Variants in FOCAD observed in about 807,000 individuals in gnomAD.
FOCAD encodes the protein KIAA1797.
Under a neutral mutation model 225.6 loss-of-function variants are expected in FOCAD, and 198 were observed. The ratio of observed to expected loss-of-function variants is 0.88; its 90% CI spans 0.78 to 0.99. The LOEUF (loss-of-function observed/expected upper bound fraction) is 0.99. Among genes scored for constraint, FOCAD ranks in the 50% least tolerant of loss-of-function variants. FOCAD has a pLI of 0.00. For synonymous variants in FOCAD, 897 were observed against 755.0 expected, an observed-to-expected ratio of 1.19 and a Z score of -3.08; for missense variants, 2,713 against 2,123.6, an observed-to-expected ratio of 1.28 and a Z score of -5.46.
At chr9:20,867,157 T>A in intron 18 of FOCAD, 145 bp downstream of exon 18, 1 of 529,204 alleles carries the variant, frequency 1.9e-6, no homozygotes, top group Non-Finnish European at 3.3e-6. Flanking sequence ...TCATACCCAT[T>A]ATTTGTTTAT....
intron 22 of FOCAD, among the ~76,000 whole-genome samples, chr9:20,907,449 T>A (rs528885464): frequency 3.2e-4 from 49 of 152,138 alleles, no homozygotes; most frequent in Non-Finnish European, 5.7e-4. Context: ...ATGTGTCCCA[T>A]CCAGAACTCC....
At chr9:20,868,329 A>T (rs7467003) in intron 18 of FOCAD, among the ~76,000 whole-genome samples, 1 of 151,986 alleles carries the variant, frequency 6.6e-6, no homozygotes, top group African/African-American at 2.4e-5. Flanking sequence ...TTTACCTTTC[A>T]TTCCTAAAAT....
chr9:20,757,385 G>GT (rs961143902), intron 5 of FOCAD, among the ~76,000 whole-genome samples: 175 of 149,928 alleles, frequency 1.2e-3, no homozygotes, highest in Non-Finnish European at 2.1e-3. Flanking sequence ...TGTACTTTTT[G>GT]TTTTTTTTTG....
intron 16 of FOCAD, chr9:20,863,035 A>C (rs1020174984): frequency 1.1e-5 from 2 of 178,680 alleles, no homozygotes; most frequent in African/African-American, 4.7e-5. Context: ...TTAAGTTCTA[A>C]AAAATAAGCC....
Position 20,988,390 on chromosome 9 carries a change from T to C in FOCAD, c.4965T>C (p.Ala1655=), listed in dbSNP as rs1295058311. The change falls in exon 41 of 44, where the codon GCT becomes GCC. Residue 1655 remains alanine (A), a synonymous_variant. Transcript: ENST00000338382. ...TGATGGGTTATATTAGAAATGTTGC[T>C]TACCAGTCAACATCCTTTCACAATA... ...LELMGYIRNV[A]YQSTSFHNTA... is the part of the protein sequence containing the mutation. 1.9e-6 allele frequency: 3 copies of C among 1,611,120 alleles called. No individual in the cohort carries two copies. The highest frequency in any genetic ancestry group is 2.7e-5 in the African/African-American group (2 of 74,804).
chr9:20,788,735 T>TA (rs372280827), intron 10 of FOCAD, among the ~76,000 whole-genome samples: 3 of 152,346 alleles, frequency 2.0e-5, no homozygotes, highest in Admixed American at 6.5e-5. Context: ...TGCACTGCTT[T>TA]ATTTCTGTGA....
At chr9:20,899,476 G>T (rs1358160320) in intron 21 of FOCAD, among the ~76,000 whole-genome samples, 1 of 151,906 alleles carries the variant, frequency 6.6e-6, no homozygotes, top group African/African-American at 2.4e-5. Flanking sequence ...CTCCAACTTT[G>T]AGAGTAGCAC....
At chr9:20,993,992 T>G (rs1367581695) in intron 43 of FOCAD, among the ~76,000 whole-genome samples, 2 of 152,210 alleles carry the variant, frequency 1.3e-5, no homozygotes, top group Admixed American at 1.3e-4. Context: ...AAGAAGTTTT[T>G]TCCTGCTTCT....
At chr9:20,954,446 A>T (rs1458706831) in intron 35 of FOCAD, among the ~76,000 whole-genome samples, 1 of 152,110 alleles carries the variant, frequency 6.6e-6, no homozygotes, top group Non-Finnish European at 1.5e-5. Context: ...ATAAAAGTAA[A>T]AACTCTTAAG....
intron 22 of FOCAD, among the ~76,000 whole-genome samples, chr9:20,908,899 C>T (rs755931025): frequency 6.6e-6 from 1 of 152,042 alleles, no homozygotes; most frequent in Admixed American, 6.6e-5. Flanking sequence ...ACTGAGGGCA[C>T]TCCTTCCTCA....
chr9:20,810,846 T>G (rs1389306774), intron 11 of FOCAD, among the ~76,000 whole-genome samples: 4 of 152,098 alleles, frequency 2.6e-5, no homozygotes. Context: ...TGACTTTATC[T>G]TATTCTAGTC....
chr9:20,778,410 C>CG lies in FOCAD; in HGVS notation c.907-267dup, dbSNP rs1199103715. Among the ~76,000 whole-genome samples the CG allele has an allele frequency of 2.6e-5, 4 of 152,054 alleles. No individual in the cohort carries two copies. The East Asian group carries it at 7.7e-4, about 29-fold the overall frequency. On this transcript the variant is annotated intron_variant, in intron 8 of 43. Transcript: ENST00000338382. ...TTTTTTTGTATTTTTTTGATAGAGACGGGGTTTCACCAAGTTGGCTGGGCT... is the reference window on the plus strand; with the variant it reads ...TTTTTTTGTATTTTTTTGATAGAGACGGGGGTTTCACCAAGTTGGCTGGGCT...
chr9:20,720,124 T>A (rs1003396337), intron 3 of FOCAD, among the ~76,000 whole-genome samples: 1 of 152,178 alleles, frequency 6.6e-6, no homozygotes, highest in South Asian at 2.1e-4. Flanking sequence ...ACTCGGGTCA[T>A]ACCTCTGCCT....
At chr9:20,804,342 A>G (rs537204097) in intron 11 of FOCAD, among the ~76,000 whole-genome samples, 4 of 152,144 alleles carry the variant, frequency 2.6e-5, no homozygotes, top group African/African-American at 9.6e-5. Context: ...AGCTTGATAG[A>G]GAATTTTTGG....
At chr9:20,743,904 T>G (rs1827831092) in intron 5 of FOCAD, among the ~76,000 whole-genome samples, 1 of 152,154 alleles carries the variant, frequency 6.6e-6, no homozygotes, top group Non-Finnish European at 1.5e-5. Context: ...CCTCCTTTTC[T>G]TTGTCTATTT....
intron 11 of FOCAD, among the ~76,000 whole-genome samples, chr9:20,815,441 G>A (rs765501146): frequency 5.9e-5 from 9 of 151,386 alleles, no homozygotes; most frequent in African/African-American, 9.7e-5. Flanking sequence ...CACTGCACCC[G>A]GCCTCTCCTT....
intron 1 of FOCAD, among the ~76,000 whole-genome samples, chr9:20,688,230 A>T (rs1822778196): frequency 6.6e-6 from 1 of 152,206 alleles, no homozygotes; most frequent in Non-Finnish European, 1.5e-5. Flanking sequence ...AATGAATTGT[A>T]GTGGGGTAAG....
intron 4 of FOCAD, among the ~76,000 whole-genome samples, chr9:20,733,719 G>C (rs986044815): frequency 5.3e-5 from 8 of 152,144 alleles, no homozygotes; most frequent in African/African-American, 1.9e-4. Flanking sequence ...CTTCCTCACT[G>C]GGCCAGGCAC....
chr9:20,986,278 T>TTTTTTTTTTTTTTTTTTTTTG lies in FOCAD; in HGVS notation c.4729-5_4729-4insTTTTTTTTTTTTTTTGTTTTT. 1 of 1,394,916 alleles carries TTTTTTTTTTTTTTTTTTTTTG rather than the reference T, an allele frequency of 7.2e-7. No individual in the cohort carries two copies. Among genetic ancestry groups the TTTTTTTTTTTTTTTTTTTTTG allele is most frequent in the Non-Finnish European group, 9.4e-7 (1 of 1,061,960 alleles). The allele number at this position is 1,394,916 out of a possible 1,614,324, so 86.4% of individuals were successfully genotyped here. On this transcript the variant is annotated splice_polypyrimidine_tract_variant and intron_variant, in intron 39 of 43. Transcript: ENST00000338382. The stretch of plus-strand genomic sequence containing the variant: ...TAGTAACTAAACAATTTTTTTTTTT[T>TTTTTTTTTTTTTTTTTTTTTG]TTTTTGCAGAGCAACATAGAAAAAG...
Sources: allele counts gnomAD v4.1 joint callset (sites outside exome capture counted in the v4.1 genomes callset), GRCh38; gene constraint gnomAD v4.1.1; transcripts MANE v1.5; gene names NCBI Gene and HGNC (gene_info 2026-07-23, HGNC 2026-07-21).